PARG: variants seen among roughly 807,000 people sequenced by gnomAD.
PARG encodes the protein poly(ADP-ribose) glycohydrolase.
In PARG, 35 loss-of-function variants were observed where a neutral mutation model predicts 113.0. The ratio of observed to expected loss-of-function variants is 0.31; its 90% CI spans 0.24 to 0.41. PARG has a LOEUF of 0.41. PARG is among the 10% of genes least tolerant of loss of function. The pLI, the probability that PARG is intolerant of heterozygous loss-of-function variation, is 1.00. For synonymous variants in PARG, 330 were observed against 409.9 expected (o/e 0.81, Z 2.36); for missense variants, 797 against 1,169.4 (o/e 0.68, Z 4.64).
intron 11 of PARG, among the ~76,000 whole-genome samples, chr10:49,864,286 C>T (rs1335717435): frequency 1.3e-4 from 19 of 151,540 alleles, no homozygotes; most frequent in Non-Finnish European, 1.6e-4. Flanking sequence ...CTCTTCAGGT[C>T]GCTTAACCTT....
At chr10:49,822,869 A>C (rs1844172567) in intron 16 of PARG, among the ~76,000 whole-genome samples, 1 of 152,188 alleles carries the variant, frequency 6.6e-6, no homozygotes, top group Non-Finnish European at 1.5e-5. Context: ...CAGCAGACAA[A>C]CTCAAAGAAC....
Position 49,922,587 on chromosome 10 carries a change from A to C in PARG, c.1538T>G (p.Met513Arg). 1.2e-6 allele frequency: 2 copies of C among 1,610,424 alleles called. No homozygotes were observed. Among genetic ancestry groups the C allele is most frequent in the Non-Finnish European group, 1.7e-6 (2 of 1,179,244 alleles). ...GTACAAATTTTGTTCTGAACAAGGC[A>C]TTTTAACATGCTTGTTATCCCACAA... The part of the protein sequence containing the change: ...KDLWDNKHVK[M>R]PCSEQNLYPV... Residue 513 changes from methionine to arginine, a missense_variant, in exon 5 of 18, where the codon ATG (methionine) becomes AGG (arginine). Around this residue, in one of 5 missense-constraint regions of PARG, gnomAD observed 252 missense variants for 437.4 expected, o/e 0.58. Transcript: ENST00000616448.
intron 16 of PARG, among the ~76,000 whole-genome samples, chr10:49,828,710 G>A (rs1179636955): frequency 1.3e-5 from 2 of 152,176 alleles, no homozygotes; most frequent in Admixed American, 6.5e-5. Flanking sequence ...AATTAAAGCA[G>A]TTCAAAACTA....
chr10:49,844,132 G>A (rs1845383966), intron 13 of PARG, among the ~76,000 whole-genome samples: 1 of 151,186 alleles, frequency 6.6e-6, no homozygotes, highest in African/African-American at 2.4e-5. Context: ...GAGACAGAGC[G>A]AGATTCAGTC....
In PARG at chr10:49,858,902, C is replaced by T. The variant is rs532737602; in HGVS notation, c.2206-1449G>A. 2.0e-5 allele frequency among the ~76,000 whole-genome samples: 3 copies of T among 152,240 alleles called. 1 individual carries two copies. In the South Asian group the frequency reaches 6.2e-4, roughly 32 times the overall value. Reference sequence around the variant, plus strand: ...TTACTGAGTATTGTGCTGGGAATCACTGGATACAAAGATGAATAAGGTATG... The same window carrying T: ...TTACTGAGTATTGTGCTGGGAATCATTGGATACAAAGATGAATAAGGTATG... On this transcript the variant is annotated intron_variant, in intron 12 of 17. Coordinates refer to ENST00000616448, the MANE Select transcript of PARG (RefSeq NM_003631.5).
intron 7 of PARG, among the ~76,000 whole-genome samples, 182 bp from the exon 8 acceptor site, chr10:49,885,477 C>A (rs2664508): frequency 3.3e-3 from 497 of 151,838 alleles, no homozygotes; most frequent in East Asian, 0.012. Flanking sequence ...AAATAAACTT[C>A]CAAATTCATT....
intron 13 of PARG, among the ~76,000 whole-genome samples, chr10:49,844,622 CA>C (rs34659290): frequency 0.34 from 37,723 of 110,960 alleles, 5,113 homozygotes; most frequent in Non-Finnish European, 0.36. Flanking sequence ...GACTCCATCT[CA>C]AAAAAAAAAA....
At chr10:49,841,163 G>T (rs1325701744) in intron 15 of PARG, among the ~76,000 whole-genome samples, 3 of 151,974 alleles carry the variant, frequency 2.0e-5, no homozygotes, top group African/African-American at 7.3e-5. Context: ...TGAGGCAGGA[G>T]AATCGCTTGA....
intron 8 of PARG, among the ~76,000 whole-genome samples, chr10:49,882,138 A>T (rs538108866): frequency 6.6e-6 from 1 of 150,734 alleles, no homozygotes; most frequent in South Asian, 2.1e-4. Flanking sequence ...AGAGTTAATG[A>T]TTTCTCCTCT....
intron 3 of PARG, 108 bp from the exon 4 acceptor site, chr10:49,932,391 C>T (rs1231489893): frequency 1.4e-6 from 1 of 714,130 alleles, no homozygotes; most frequent in Admixed American, 2.2e-5. Context: ...GTATGCCATA[C>T]TTGGTCACTC....
intron 4 of PARG, among the ~76,000 whole-genome samples, chr10:49,931,695 A>C (rs1838488354): frequency 1.3e-5 from 1 of 76,602 alleles, no homozygotes; most frequent in South Asian, 3.8e-4. Context: ...GTCTCCAGCA[A>C]AAAAAAAAAA....
At chr10:49,900,865 T>C (rs1438756018) in intron 7 of PARG, among the ~76,000 whole-genome samples, 1 of 152,090 alleles carries the variant, frequency 6.6e-6, no homozygotes, top group Non-Finnish European at 1.5e-5. Context: ...CAATGGATAC[T>C]TTCAATACCA....
chr10:49,819,796 T>C (rs898059088), intron 17 of PARG, among the ~76,000 whole-genome samples: 2 of 152,180 alleles, frequency 1.3e-5, no homozygotes, highest in Admixed American at 6.5e-5. Context: ...GCTCCTGAGG[T>C]AGCAAGCACA....
intron 7 of PARG, among the ~76,000 whole-genome samples, chr10:49,891,726 T>G (rs1554841632): frequency 6.8e-6 from 1 of 147,802 alleles, no homozygotes; most frequent in East Asian, 2.0e-4. Context: ...ACCTCCCAGA[T>G]TCAAGCGATT....
intron 15 of PARG, among the ~76,000 whole-genome samples, chr10:49,837,301 C>T (rs1047614177): frequency 6.6e-6 from 1 of 151,722 alleles, no homozygotes; most frequent in Non-Finnish European, 1.5e-5. Context: ...GAGATCCATA[C>T]TGAATTCTGA....
intron 7 of PARG, among the ~76,000 whole-genome samples, chr10:49,890,261 T>TGTGCGC (rs782057227): frequency 6.6e-6 from 1 of 152,160 alleles, no homozygotes; most frequent in Admixed American, 6.5e-5. Context: ...GATCTGTGCG[T>TGTGCGC]GTGCGCGTGT....
At chr10:49,911,771 C>T (rs1273258168) in intron 7 of PARG, among the ~76,000 whole-genome samples, 1 of 152,190 alleles carries the variant, frequency 6.6e-6, no homozygotes, top group Non-Finnish European at 1.5e-5. Context: ...TAGGTAATTA[C>T]AGTACCATGG....
intron 7 of PARG, among the ~76,000 whole-genome samples, chr10:49,899,030 C>A (rs2664488): frequency 2.0e-5 from 3 of 151,780 alleles, no homozygotes; most frequent in African/African-American, 7.3e-5. Context: ...TATGTAAAAC[C>A]GTCAATAAAA....
chr10:49,861,835 AC>A (rs1302446614), intron 11 of PARG, among the ~76,000 whole-genome samples, 172 bp from the exon 12 acceptor site: 1 of 150,222 alleles, frequency 6.7e-6, no homozygotes, highest in African/African-American at 2.5e-5. Flanking sequence ...CTTTATTCAA[AC>A]ATGTAAATAT....
Sources: gnomAD v4.1 joint callset for allele counts (sites outside exome capture counted in the v4.1 genomes callset) on GRCh38, gnomAD v4.1.1 for gene constraint, gnomAD v4.1.1 regional missense constraint, MANE v1.5 for transcripts, NCBI Gene and HGNC (gene_info 2026-07-23, HGNC 2026-07-21) for gene names.